Variants in CSAG1 observed in about 807,000 individuals in gnomAD.
CSAG1 encodes the protein chondrosarcoma associated gene 1, also known as chondrosarcoma-associated gene 1 protein.
Under a neutral mutation model 4.8 loss-of-function variants are expected in CSAG1, and 4 were observed. The ratio of observed to expected loss-of-function variants is 0.83; its 90% CI spans 0.41 to 1.90. CSAG1 has a LOEUF of 1.90. Among genes scored for constraint, CSAG1 ranks in the 40% most tolerant of loss-of-function variants. CSAG1 has a pLI of 0.03. For synonymous variants in CSAG1, 21 were observed against 23.1 expected, an observed-to-expected ratio of 0.91 and a Z score of 0.26; for missense variants, 69 against 59.5, an observed-to-expected ratio of 1.16 and a Z score of -0.53.
rs1388726563 is a variant in CSAG1 at position 152,727,617 on chromosome X, T to G, written c.*177A>C. ...AGACTTTTCAGATAGACTTGAAGTCTCTGGCCTTGCCTGGGAATTACTGGC... is the reference window on the plus strand; with the variant it reads ...AGACTTTTCAGATAGACTTGAAGTCGCTGGCCTTGCCTGGGAATTACTGGC... On this transcript the variant is annotated 3_prime_UTR_variant, in exon 4 of 4. Transcript: ENST00000452779. 7.0e-6 allele frequency: 4 copies of G among 571,672 alleles called. No homozygotes were observed. Among genetic ancestry groups the G allele is most frequent in the Non-Finnish European group, 1.2e-5 (4 of 340,834 alleles). 47.1% of individuals were successfully genotyped at this position (571,672 alleles called of 1,213,427 possible). A position where few individuals can be genotyped will look rare whatever the true frequency, so the allele number is the denominator to read the frequency against.
At chrX:152,728,042 C>G (rs145936011) in intron 3 of CSAG1, 32 bp downstream of exon 3, 28 of 1,208,919 alleles carry the variant, frequency 2.3e-5, no homozygotes, top group Middle Eastern at 2.3e-4. Context: ...GCTTCTGGGC[C>G]AGGGATGAGA....
intron 2 of CSAG1, 34 bp downstream of exon 2, chrX:152,732,411 C>T: frequency 8.4e-7 from 1 of 1,195,253 alleles, no homozygotes; most frequent in Non-Finnish European, 1.1e-6. Flanking sequence ...AAAATGTAAA[C>T]TCAGCTTAAA....
In CSAG1 at chrX:152,727,688, G is replaced by T; in HGVS notation, c.*106C>A. ...AAGGCGGTGGTCTCCTTGCCCTTGT[G>T]GTCCTGCTATGGCGCATTTTGATTG... is the stretch of plus-strand genomic sequence containing the variant. On this transcript the variant is annotated 3_prime_UTR_variant, in exon 4 of 4. Transcript: ENST00000452779. 1.0e-6 allele frequency: 1 copy of T among 994,766 alleles called. No homozygotes were observed. Among genetic ancestry groups the T allele is most frequent in the Non-Finnish European group, 1.4e-6 (1 of 699,479 alleles). The allele number at this position is 994,766 out of a possible 1,213,427, so 82.0% of individuals were successfully genotyped here. A position where few individuals can be genotyped will look rare whatever the true frequency, so the allele number is the denominator to read the frequency against.
chrX:152,728,292 T>C lies in CSAG1; in HGVS notation c.17-68A>G. On this transcript the variant is annotated intron_variant, in intron 2 of 3. Coordinates refer to ENST00000452779, the MANE Select transcript of CSAG1 (RefSeq NM_001102576.3). ...ATTCCTTTTCCAAGAAACCTTGGTC[T>C]TTTAACACCTTCAACTAATTGGATG... The C allele has an allele frequency of 3.8e-6, 4 of 1,040,384 alleles. No homozygotes were observed. The South Asian group carries it at 5.6e-5, about 15-fold the overall frequency. 85.7% of individuals were successfully genotyped at this position (1,040,384 alleles called of 1,213,427 possible).
At position 152,732,565 on chromosome X, in the gene CSAG1, C is replaced by A; in HGVS notation, c.-44-61G>T. ...ACCAGTATTAGCAAGAAAATCTACA[C>A]AACAAAACAGGGCCAGTCCAGGGTG... On this transcript the variant is annotated intron_variant, in intron 1 of 3. Transcript: ENST00000452779. 2.2e-5 allele frequency: 26 copies of A among 1,167,419 alleles called. 1 individual carries two copies. Among genetic ancestry groups the A allele is most frequent in the Non-Finnish European group, 2.9e-5 (25 of 859,441 alleles).
intron 2 of CSAG1, among the ~76,000 whole-genome samples, chrX:152,728,798 T>C (rs1556831116): frequency 9.0e-6 from 1 of 110,808 alleles, no homozygotes; most frequent in Non-Finnish European, 1.9e-5. Flanking sequence ...CCTCTGTGCA[T>C]GTGCAGAGAG....
rs1556831181 is a variant in CSAG1, at chrX:152,728,912, T to A, written c.17-688A>T. On this transcript the variant is annotated intron_variant, in intron 2 of 3. Transcript: ENST00000452779. ...ATTCTATGGGATCAAGGCCCCACCC[T>A]TATGACCTCTTTTAACATTAATCAC... is the stretch of plus-strand genomic sequence containing the variant. 4.5e-5 allele frequency among the ~76,000 whole-genome samples: 5 copies of A among 112,036 alleles called. No individual in the cohort carries two copies. In the East Asian group the frequency reaches 1.4e-3, roughly 31 times the overall value.
intron 2 of CSAG1, 56 bp from the exon 3 acceptor site, chrX:152,728,280 G>C (rs2124963361): frequency 8.8e-7 from 1 of 1,140,310 alleles, no homozygotes; most frequent in Non-Finnish European, 1.2e-6. Flanking sequence ...CCTTTTCCAA[G>C]AAACCTTGGT....
intron 2 of CSAG1, among the ~76,000 whole-genome samples, chrX:152,728,785 C>T (rs1356325908): frequency 1.8e-5 from 2 of 111,483 alleles, no homozygotes; most frequent in Non-Finnish European, 3.8e-5. Flanking sequence ...ATTCTTGGCC[C>T]TTCCTCTGTG....
chrX:152,728,017 A>G lies in CSAG1; in HGVS notation c.167+57T>C, dbSNP rs1556830673. The G allele has an allele frequency of 1.2e-3, 1,408 of 1,208,623 alleles. 2 individuals carry two copies. The highest frequency in any genetic ancestry group is 5.9e-3 in the East Asian group (200 of 33,711). On this transcript the variant is annotated intron_variant, in intron 3 of 3. Coordinates refer to ENST00000452779, the MANE Select transcript of CSAG1 (RefSeq NM_001102576.3). Reference sequence around the variant, plus strand: ...GTAGGAGTCAGAGCTTGGGTGGGCCATTCACTTTGATAGGGCTTCTGGGCC... The same window carrying G: ...GTAGGAGTCAGAGCTTGGGTGGGCCGTTCACTTTGATAGGGCTTCTGGGCC...
intron 2 of CSAG1, among the ~76,000 whole-genome samples, chrX:152,730,534 A>G (rs1603456880): frequency 1.8e-5 from 2 of 111,755 alleles, no homozygotes; most frequent in Admixed American, 9.5e-5. Flanking sequence ...GGACATAGGG[A>G]AAAGGCAGGT....
chrX:152,728,078 T>G lies in CSAG1; in HGVS notation c.163A>C (p.Lys55Gln). ...PFSNNHPSTP[K>Q]RFPRQPRREK... is the part of the protein sequence containing the mutation. Reference sequence around the variant, plus strand: ...GGATGCTTTCCCCTTCCTCGCCTCTTTGGTGTTGATGGGTGGTTGTTGGAA... The same window carrying G: ...GGATGCTTTCCCCTTCCTCGCCTCTGTGGTGTTGATGGGTGGTTGTTGGAA... The change falls in exon 3 of 4, where the codon AAG becomes CAG. Residue 55 changes from lysine (K) to glutamine (Q), a missense_variant. Transcript: ENST00000452779. 2 of 1,211,100 alleles carry G rather than the reference T, an allele frequency of 1.7e-6. No individual in the cohort carries two copies. The highest frequency in any genetic ancestry group is 2.2e-6 in the Non-Finnish European group (2 of 895,283).
rs1932049155 is a variant in CSAG1, at chrX:152,727,825, T to C, written c.206A>G (p.Lys69Arg). 2.5e-6 allele frequency: 3 copies of C among 1,211,475 alleles called. No homozygotes were observed. Among genetic ancestry groups the C allele is most frequent in the Non-Finnish European group, 3.4e-6 (3 of 895,118 alleles). ...RQPRREKGPV[K>R]EVPGTKGSP ...AGAGCCTTTTGTTCCTGGAACTTCC[T>C]TGACGGGTCCCTTTTCCCTTCTGGG... The change falls in exon 4 of 4, where the codon AAG becomes AGG. Residue 69 changes from lysine (K) to arginine (R), a missense_variant. By Grantham distance (26) the Lys-to-Arg change is conservative (BLOSUM62 2). Coordinates refer to ENST00000452779, the MANE Select transcript of CSAG1 (RefSeq NM_001102576.3).
At chrX:152,730,273 A>G (rs1466196659) in intron 2 of CSAG1, among the ~76,000 whole-genome samples, 36 of 111,524 alleles carry the variant, frequency 3.2e-4, no homozygotes, top group Non-Finnish European at 4.9e-4. Context: ...GGGTTATCTG[A>G]CAAGCACAGG....
At chrX:152,729,501 C>T (rs1192486521) in intron 2 of CSAG1, among the ~76,000 whole-genome samples, 1 of 111,964 alleles carries the variant, frequency 8.9e-6, no homozygotes, top group African/African-American at 3.3e-5. Flanking sequence ...ACAATATATG[C>T]GAATTCTTAA....
At chrX:152,729,648 G>T (rs1435864379) in intron 2 of CSAG1, among the ~76,000 whole-genome samples, 2 of 111,350 alleles carry the variant, frequency 1.8e-5, no homozygotes, top group Non-Finnish European at 3.8e-5. Flanking sequence ...ACTAAAATGA[G>T]ATACCACTAC....
intron 2 of CSAG1, among the ~76,000 whole-genome samples, chrX:152,728,484 A>C (rs1932073558): frequency 8.9e-6 from 1 of 112,202 alleles, no homozygotes; most frequent in Non-Finnish European, 1.9e-5. Flanking sequence ...AGCCACTGCA[A>C]ATATCTTGCA....
chrX:152,732,006 A>G (rs1405324404), intron 2 of CSAG1, among the ~76,000 whole-genome samples: 8 of 112,440 alleles, frequency 7.1e-5, no homozygotes, highest in Admixed American at 1.9e-4. Flanking sequence ...ATTGAGACAC[A>G]AAAAGCTATA....
chrX:152,733,000 AATAAAT>A (rs1932194773), intron 1 of CSAG1: 1 of 114,631 alleles, frequency 8.7e-6, no homozygotes, highest in Non-Finnish European at 1.8e-5. Flanking sequence ...AGTTCGTAGA[AATAAAT>A]ATATATATCG....
Sources: allele counts gnomAD v4.1 joint callset (sites outside exome capture counted in the v4.1 genomes callset), GRCh38; gene constraint gnomAD v4.1.1; transcripts MANE v1.5; gene names NCBI Gene and HGNC (gene_info 2026-07-23, HGNC 2026-07-21).